The following EPHA7 variants were observed in gnomAD, a reference collection of about 807,000 sequenced individuals.
EPHA7 encodes the protein EPH receptor A7.
A neutral mutation model predicts 112.6 loss-of-function variants in EPHA7; 25 were observed. That is an observed-to-expected ratio of 0.22 (90% CI 0.16 to 0.31). EPHA7 has a LOEUF of 0.31. Ranked by LOEUF, EPHA7 falls within the 10% of genes least tolerant of loss-of-function variation. EPHA7 has a pLI of 1.00. For synonymous variants in EPHA7, 437 were observed against 406.5 expected (o/e 1.07, Z -0.90); for missense variants, 962 against 1,212.6 (o/e 0.79, Z 3.07).
intron 5 of EPHA7, among the ~76,000 whole-genome samples, chr6:93,316,286 C>T (rs879433668): frequency 6.6e-6 from 1 of 152,050 alleles, no homozygotes; most frequent in Non-Finnish European, 1.5e-5. Context: ...TGCAATAACA[C>T]CCCCTTTCTA....
chr6:93,405,811 G>GTA (rs1298868729), intron 3 of EPHA7, among the ~76,000 whole-genome samples: 13 of 58,952 alleles, frequency 2.2e-4, no homozygotes, highest in South Asian at 1.3e-3. Context: ...GTGTGTGTGT[G>GTA]TGTATATATA....
At chr6:93,412,109 CTAAA>C (rs1179885457) in intron 2 of EPHA7, among the ~76,000 whole-genome samples, 2 of 151,938 alleles carry the variant, frequency 1.3e-5, no homozygotes, top group Non-Finnish European at 2.9e-5. Flanking sequence ...TCTTAAAAGC[CTAAA>C]TGAATGGTTT....
chr6:93,356,210 G>GT (rs536469616), intron 5 of EPHA7, among the ~76,000 whole-genome samples: 29,360 of 147,314 alleles, frequency 0.2, 2,867 homozygotes, highest in East Asian at 0.24. Context: ...TTTATCTCCT[G>GT]TTTTTTTTTT....
chr6:93,391,719 G>C (rs1777916263), intron 3 of EPHA7, among the ~76,000 whole-genome samples: 1 of 151,876 alleles, frequency 6.6e-6, no homozygotes, highest in African/African-American at 2.4e-5. Flanking sequence ...GGAAGGATGA[G>C]AGGGAGAAAC....
chr6:93,397,680 G>GTT (rs1173713832), intron 3 of EPHA7, among the ~76,000 whole-genome samples: 1 of 151,828 alleles, frequency 6.6e-6, no homozygotes, highest in African/African-American at 2.4e-5. Flanking sequence ...GCGATACTCA[G>GTT]TTATCTATTA....
At chr6:93,357,933 T>A (rs1292770382) in intron 4 of EPHA7, among the ~76,000 whole-genome samples, 1 of 152,166 alleles carries the variant, frequency 6.6e-6, no homozygotes, top group East Asian at 1.9e-4. Context: ...GTGCTGGGAT[T>A]ACAGGCATGA....
intron 1 of EPHA7, among the ~76,000 whole-genome samples, chr6:93,416,362 C>A (rs1209201033): frequency 6.6e-6 from 1 of 151,950 alleles, no homozygotes; most frequent in Non-Finnish European, 1.5e-5. Context: ...TGAATATAGA[C>A]AACAGGATTT....
intron 3 of EPHA7, among the ~76,000 whole-genome samples, chr6:93,376,184 C>T (rs927635482): frequency 1.2e-4 from 18 of 152,172 alleles, no homozygotes; most frequent in African/African-American, 3.6e-4. Context: ...CACTCTGTCG[C>T]CCAGGAGAAG....
At chr6:93,367,295 A>C (rs1399965061) in intron 3 of EPHA7, among the ~76,000 whole-genome samples, 1 of 152,168 alleles carries the variant, frequency 6.6e-6, no homozygotes, top group Non-Finnish European at 1.5e-5. Context: ...CATTTATGCC[A>C]CTGCCAAGTT....
At chr6:93,318,349 T>C (rs951404105) in intron 5 of EPHA7, among the ~76,000 whole-genome samples, 2 of 152,002 alleles carry the variant, frequency 1.3e-5, no homozygotes, top group Non-Finnish European at 2.9e-5. Flanking sequence ...GTGAAAGATA[T>C]GCACAGAAAG....
rs540503398 is a variant in EPHA7, at chr6:93,349,955, T to C, written c.1324+6762A>G. On this transcript the variant is annotated intron_variant, in intron 5 of 16. Coordinates refer to ENST00000369303, the MANE Select transcript of EPHA7 (RefSeq NM_004440.4). Reference sequence around the variant, plus strand: ...TTGTCTTTTTTGGGGATAATTTTGCTTATGTATAATGTTATATCACATGAC... The same window carrying C: ...TTGTCTTTTTTGGGGATAATTTTGCCTATGTATAATGTTATATCACATGAC... 3.3e-5 allele frequency among the ~76,000 whole-genome samples: 5 copies of C among 151,978 alleles called. No homozygotes were observed. The South Asian group carries it at 1.0e-3, about 32-fold the overall frequency.
intron 5 of EPHA7, among the ~76,000 whole-genome samples, chr6:93,304,804 T>C (rs1331039101): frequency 6.6e-6 from 1 of 152,046 alleles, no homozygotes; most frequent in Non-Finnish European, 1.5e-5. Flanking sequence ...TTCCTTACCA[T>C]TACCAGAACT....
chr6:93,383,239 T>C (rs960349791), intron 3 of EPHA7, among the ~76,000 whole-genome samples: 2 of 149,696 alleles, frequency 1.3e-5, no homozygotes, highest in Non-Finnish European at 3.0e-5. Context: ...ATATATAAAA[T>C]ATACAATGAC....
At chr6:93,356,549 A>C (rs1201469083) in intron 5 of EPHA7, among the ~76,000 whole-genome samples, 168 bp downstream of exon 5, 1 of 152,168 alleles carries the variant, frequency 6.6e-6, no homozygotes, top group African/African-American at 2.4e-5. Context: ...GAAGATGTTA[A>C]TGAGTACACT....
In EPHA7 at chr6:93,245,394, C is replaced by T; in HGVS notation, c.2786G>A (p.Gly929Glu). 1 of 1,613,692 alleles carries T rather than the reference C, an allele frequency of 6.2e-7. No homozygotes were observed. The highest frequency in any genetic ancestry group is 1.1e-5 in the South Asian group (1 of 91,064). ...TPDFTTFCSVGEWLQAIKMER... is the reference protein window; with the variant it reads ...TPDFTTFCSVEEWLQAIKMER... ...CATCTTAATAGCTTGTAGCCATTCT[C>T]CAACTGAACAAAAGGTAGTGAAATC... Residue 929 changes from glycine to glutamate, a missense_variant, in exon 16 of 17, where the codon GGA becomes GAA. Physicochemically the swap from Gly to Glu is moderately conservative, Grantham distance 98. Coordinates refer to ENST00000369303, the MANE Select transcript of EPHA7 (RefSeq NM_004440.4).
chr6:93,323,850 A>T (rs906022884), intron 5 of EPHA7, among the ~76,000 whole-genome samples: 1 of 151,444 alleles, frequency 6.6e-6, no homozygotes, highest in Non-Finnish European at 1.5e-5. Flanking sequence ...AAACATTTTC[A>T]CACCAAATCT....
chr6:93,322,780 G>C (rs1366508758), intron 5 of EPHA7, among the ~76,000 whole-genome samples: 2 of 151,488 alleles, frequency 1.3e-5, no homozygotes, highest in East Asian at 3.9e-4. Context: ...ATCCCTGAGG[G>C]AAGCCTTCCA....
chr6:93,370,752 AG>A (rs1262355370), intron 3 of EPHA7, among the ~76,000 whole-genome samples: 1 of 152,178 alleles, frequency 6.6e-6, no homozygotes, highest in Non-Finnish European at 1.5e-5. Context: ...ACAAAACTAA[AG>A]GTGAAAACTT....
Position 93,242,636 on chromosome 6 carries a change from A to T in EPHA7, c.*790T>A, listed in dbSNP as rs1769738380. ...TTCTAGTAAAATCACTCTATAAACA[A>T]TCTGTTAAAAGTGCCTTATAGTATG... On this transcript the variant is annotated 3_prime_UTR_variant, in exon 17 of 17. Coordinates refer to ENST00000369303, the MANE Select transcript of EPHA7 (RefSeq NM_004440.4). 9.1e-6 allele frequency: 2 copies of T among 219,332 alleles called. No homozygotes were observed. The highest frequency in any genetic ancestry group is 1.8e-5 in the Non-Finnish European group (2 of 109,070). 13.6% of individuals were successfully genotyped at this position (219,332 alleles called of 1,614,324 possible).
Sources: gnomAD v4.1 joint callset for allele counts (sites outside exome capture counted in the v4.1 genomes callset) on GRCh38, gnomAD v4.1.1 for gene constraint, MANE v1.5 for transcripts, NCBI Gene and HGNC (gene_info 2026-07-23, HGNC 2026-07-21) for gene names.